The following LRP1B variants were observed in gnomAD, a reference collection of about 807,000 sequenced individuals.
The protein encoded by LRP1B is low-density lipoprotein receptor-related protein 1B.
A neutral mutation model predicts 556.6 loss-of-function variants in LRP1B; 217 were observed. That is an observed-to-expected ratio of 0.39 (90% CI 0.35 to 0.44). The LOEUF is 0.44. Among genes scored for constraint, LRP1B ranks in the 20% least tolerant of loss-of-function variants. The probability of loss-of-function intolerance (pLI) is 1.00; values close to 1 mark genes in which losing one functional copy is unlikely to be tolerated. For missense variants in LRP1B, 5,053 were observed against 5,620.8 expected (o/e 0.90, Z 3.23); for synonymous variants, 2,047 against 1,865.8 (o/e 1.10, Z -2.50).
Position 141,013,373 on chromosome 2 carries a change from G to A in LRP1B, c.2380+183C>T, listed in dbSNP as rs370597175. Among the ~76,000 whole-genome samples the A allele has an allele frequency of 3.2e-4, 48 of 152,008 alleles. 1 individual carries two copies. Among genetic ancestry groups the A allele is most frequent in the African/African-American group, 1.1e-3 (47 of 41,506 alleles). ...GGAATTCCCAGGGATAATCACTCAG[G>A]ATATTTAGAACAACAAAAAGTAAAT... is the stretch of plus-strand genomic sequence containing the variant. On this transcript the variant is annotated intron_variant, in intron 14 of 90. Transcript: ENST00000389484.
At chr2:140,689,434 CTT>C (rs2105395190) in intron 41 of LRP1B, among the ~76,000 whole-genome samples, 2 of 152,318 alleles carry the variant, frequency 1.3e-5, no homozygotes, top group Non-Finnish European at 2.9e-5. Context: ...ACTGGAGTCT[CTT>C]TGAATCTGCT....
rs563089036 is a variant in LRP1B, at chr2:140,970,144, T to C, written c.2887+12016A>G. ...TTCCAACCTGGTTCCATTCTCCCTG[T>C]CACTTTCAGGTACACCAGTCAGACA... On this transcript the variant is annotated intron_variant, in intron 18 of 90. Transcript: ENST00000389484. Among the ~76,000 whole-genome samples the C allele has an allele frequency of 4.6e-5, 7 of 152,320 alleles. No individual in the cohort carries two copies. The East Asian group carries it at 1.4e-3, about 29-fold the overall frequency.
chr2:140,366,287 G>GA (rs1682756188), intron 71 of LRP1B, among the ~76,000 whole-genome samples: 1 of 151,692 alleles, frequency 6.6e-6, no homozygotes, highest in Non-Finnish European at 1.5e-5. Flanking sequence ...GAGTGGCAAA[G>GA]GAGAGTGAGC....
intron 2 of LRP1B, among the ~76,000 whole-genome samples, chr2:141,621,262 T>A (rs1253044438): frequency 6.6e-6 from 1 of 152,124 alleles, no homozygotes; most frequent in African/African-American, 2.4e-5. Flanking sequence ...AAAAATTACG[T>A]GGAAAGGGGA....
chr2:142,053,592 A>G (rs1349751747), intron 1 of LRP1B, among the ~76,000 whole-genome samples: 1 of 152,180 alleles, frequency 6.6e-6, no homozygotes, highest in Admixed American at 6.6e-5. Context: ...AAGCTGGAAC[A>G]CTGAACGTGT....
intron 37 of LRP1B, among the ~76,000 whole-genome samples, chr2:140,713,774 C>A (rs970565186): frequency 6.6e-6 from 1 of 152,064 alleles, no homozygotes; most frequent in South Asian, 2.1e-4. Flanking sequence ...ACTACCAAAT[C>A]TTTAATTATT....
intron 1 of LRP1B, among the ~76,000 whole-genome samples, chr2:141,894,789 C>A (rs763377987): frequency 9.9e-5 from 15 of 151,946 alleles, no homozygotes; most frequent in Non-Finnish European, 1.5e-5. Flanking sequence ...GTGGCTCATG[C>A]CTGTAATCCC....
chr2:141,053,263 C>A (rs530690397), intron 10 of LRP1B, among the ~76,000 whole-genome samples: 1 of 152,002 alleles, frequency 6.6e-6, no homozygotes, highest in African/African-American at 2.4e-5. Flanking sequence ...GGAAGTGAGG[C>A]AAAGGTCCCC....
chr2:141,656,446 C>T (rs985877173), intron 2 of LRP1B, among the ~76,000 whole-genome samples: 1 of 152,062 alleles, frequency 6.6e-6, no homozygotes, highest in Non-Finnish European at 1.5e-5. Context: ...GTTTAAACAT[C>T]TGTATCTTAA....
rs1371425737 is a variant in LRP1B at position 140,524,011 on chromosome 2, C to CA, written c.8026+1832dup. Among the ~76,000 whole-genome samples, 6 of 151,324 alleles carry CA rather than the reference C, an allele frequency of 4.0e-5. No homozygotes were observed. The South Asian group carries it at 6.2e-4, about 16-fold the overall frequency. The stretch of plus-strand genomic sequence containing the variant: ...CGAAAGAGCTTCTGCACGACAACAA[C>CA]AAAAAAACTATCAACAGAGTAAACA... On this transcript the variant is annotated intron_variant, in intron 49 of 90. Coordinates refer to ENST00000389484, the MANE Select transcript of LRP1B (RefSeq NM_018557.3).
chr2:141,426,395 G>T (rs1372488630), intron 3 of LRP1B, among the ~76,000 whole-genome samples: 1 of 152,102 alleles, frequency 6.6e-6, no homozygotes, highest in African/African-American at 2.4e-5. Flanking sequence ...AATAAAATAA[G>T]TATAAAAATT....
At chr2:141,388,309 G>T (rs1573888296) in intron 3 of LRP1B, among the ~76,000 whole-genome samples, 2 of 152,186 alleles carry the variant, frequency 1.3e-5, no homozygotes, top group East Asian at 1.9e-4. Context: ...GGTGGTGGGT[G>T]CCTGTAATCC....
chr2:141,988,825 T>C (rs928471521), intron 1 of LRP1B, among the ~76,000 whole-genome samples: 2 of 152,050 alleles, frequency 1.3e-5, no homozygotes, highest in African/African-American at 4.8e-5. Flanking sequence ...ATGAGCTCTC[T>C]TAAATTCTGA....
intron 75 of LRP1B, among the ~76,000 whole-genome samples, chr2:140,353,310 G>T (rs1247129415): frequency 6.6e-6 from 1 of 151,958 alleles, no homozygotes; most frequent in South Asian, 2.1e-4. Flanking sequence ...AAATATTAAA[G>T]CTTCAATTTC....
chr2:141,084,325 G>T (rs774573962), intron 7 of LRP1B, among the ~76,000 whole-genome samples: 1 of 152,094 alleles, frequency 6.6e-6, no homozygotes, highest in Non-Finnish European at 1.5e-5. Context: ...CCCAGTGTGC[G>T]CATTCCCATT....
chr2:141,375,808 G>A (rs1009527093), intron 3 of LRP1B, among the ~76,000 whole-genome samples: 4 of 152,144 alleles, frequency 2.6e-5, no homozygotes, highest in Non-Finnish European at 5.9e-5. Context: ...TCTCACAGCA[G>A]ACCACTGTGG....
At chr2:141,587,878 C>A (rs1190069662) in intron 2 of LRP1B, among the ~76,000 whole-genome samples, 1 of 152,026 alleles carries the variant, frequency 6.6e-6, no homozygotes, top group Admixed American at 6.6e-5. Context: ...ACTAGCCAAC[C>A]AATAGTATTC....
At chr2:141,431,126 T>C (rs1680544781) in intron 3 of LRP1B, among the ~76,000 whole-genome samples, 1 of 122,604 alleles carries the variant, frequency 8.2e-6, no homozygotes, top group African/African-American at 3.2e-5. Flanking sequence ...AGAGAGTGAC[T>C]CTGTCTCAAA....
rs1683633834 is a variant in LRP1B at position 140,297,001 on chromosome 2, T to C, written c.12967+807A>G. Among the ~76,000 whole-genome samples the C allele has an allele frequency of 3.3e-5, 5 of 152,202 alleles. No individual in the cohort carries two copies. The South Asian group carries it at 8.3e-4, about 25-fold the overall frequency. On this transcript the variant is annotated intron_variant, in intron 84 of 90. Coordinates refer to ENST00000389484, the MANE Select transcript of LRP1B (RefSeq NM_018557.3). ...AGTGAAGGTTTTTTCCAGAAAGAAC[T>C]TGGCAGACAGGAAAATAGTCATAAA... is the stretch of plus-strand genomic sequence containing the variant.
Sources: gnomAD v4.1 joint callset for allele counts (sites outside exome capture counted in the v4.1 genomes callset) on GRCh38, gnomAD v4.1.1 for gene constraint, MANE v1.5 for transcripts, NCBI Gene and HGNC (gene_info 2026-07-23, HGNC 2026-07-21) for gene names.